The following CPQ variants were observed in gnomAD, a reference collection of about 807,000 sequenced individuals.
CPQ encodes Ser-Met dipeptidase.
A neutral mutation model predicts 45.7 loss-of-function variants in CPQ; 37 were observed. That is an observed-to-expected ratio of 0.81 (90% CI 0.62 to 1.07). CPQ has a LOEUF of 1.07. CPQ is among the 50% of genes least tolerant of loss of function. The pLI is 0.00. For missense variants in CPQ, 537 were observed against 572.9 expected (o/e 0.94, Z 0.64); for synonymous variants, 186 against 205.8 (o/e 0.90, Z 0.82).
chr8:97,080,686 A>AT (rs1405189807), intron 7 of CPQ, among the ~76,000 whole-genome samples: 3 of 152,076 alleles, frequency 2.0e-5, no homozygotes, highest in Admixed American at 1.3e-4. Flanking sequence ...CCTTTATTCC[A>AT]TTTTTTTATA....
chr8:97,127,638 G>A lies in CPQ; in HGVS notation c.1256-15382G>A, dbSNP rs934163669. The stretch of plus-strand genomic sequence containing the variant: ...TGGGAAGTGAAGGCTGCAGTAAGCC[G>A]AGATTTCGCCACTGCACTCCAGCGT... On this transcript the variant is annotated intron_variant, in intron 7 of 7. Transcript: ENST00000220763. Among the ~76,000 whole-genome samples, 8 of 152,112 alleles carry A rather than the reference G, an allele frequency of 5.3e-5. No homozygotes were observed. In the South Asian group the frequency reaches 1.0e-3, roughly 20 times the overall value.
chr8:96,874,664 A>T (rs1406224722), intron 3 of CPQ, among the ~76,000 whole-genome samples: 1 of 151,840 alleles, frequency 6.6e-6, no homozygotes. Context: ...TGTAGCATGT[A>T]CCAAATGTCA....
chr8:97,106,471 A>C (rs1811405323), intron 7 of CPQ, among the ~76,000 whole-genome samples: 1 of 152,254 alleles, frequency 6.6e-6, no homozygotes, highest in East Asian at 1.9e-4. Flanking sequence ...CTCAGTGAGG[A>C]AACAGTGCTC....
Position 96,856,151 on chromosome 8 carries a change from G to A in CPQ, c.641+20971G>A, listed in dbSNP as rs1811846055. On this transcript the variant is annotated intron_variant, in intron 3 of 7. Transcript: ENST00000220763. ...TATCCTGATTGGAAATAAGTTTTAAGCAGAGGAGTGATATGATCTAATCTG... is the reference window on the plus strand; with the variant it reads ...TATCCTGATTGGAAATAAGTTTTAAACAGAGGAGTGATATGATCTAATCTG... 1.3e-5 allele frequency among the ~76,000 whole-genome samples: 2 copies of A among 152,226 alleles called. 1 individual carries two copies. The highest frequency in any genetic ancestry group is 4.1e-4 in the South Asian group (2 of 4,826).
chr8:97,089,622 A>G (rs573168956), intron 7 of CPQ, among the ~76,000 whole-genome samples: 2 of 152,350 alleles, frequency 1.3e-5, no homozygotes, highest in Admixed American at 1.3e-4. Flanking sequence ...TTTGTAGTCA[A>G]TAAAAACTTA....
At position 96,652,343 on chromosome 8, in the gene CPQ, T is replaced by C. The variant is rs1370369400; in HGVS notation, c.-35+6941T>C. Among the ~76,000 whole-genome samples the C allele has an allele frequency of 2.6e-5, 4 of 152,382 alleles. No homozygotes were observed. In the East Asian group the frequency reaches 7.7e-4, roughly 29 times the overall value. On this transcript the variant is annotated intron_variant, in intron 1 of 7. Coordinates refer to ENST00000220763, the MANE Select transcript of CPQ (RefSeq NM_016134.4). Reference sequence around the variant, plus strand: ...AGGCAGAATAGTATTTCATTGTGCATATGTGCCACCTATTCTTTAGCCATT... The same window carrying C: ...AGGCAGAATAGTATTTCATTGTGCACATGTGCCACCTATTCTTTAGCCATT...
intron 1 of CPQ, among the ~76,000 whole-genome samples, chr8:96,712,728 C>T (rs1366791039): frequency 7.2e-5 from 11 of 152,206 alleles, no homozygotes. Context: ...TCATTTTTCC[C>T]TCCTAGGCCT....
At chr8:96,836,808 T>TC (rs1811537062) in intron 3 of CPQ, among the ~76,000 whole-genome samples, 1 of 151,412 alleles carries the variant, frequency 6.6e-6, no homozygotes, top group South Asian at 2.1e-4. Flanking sequence ...TTTTTTTTTT[T>TC]CTGGCATAAT....
intron 6 of CPQ, among the ~76,000 whole-genome samples, chr8:97,060,064 A>AT (rs1380042395): frequency 1.3e-5 from 2 of 152,108 alleles, no homozygotes; most frequent in Non-Finnish European, 2.9e-5. Context: ...CTCATAAGTT[A>AT]TTTTTTCTAG....
chr8:97,122,927 T>TA (rs1336501970), intron 7 of CPQ, among the ~76,000 whole-genome samples: 2,977 of 38,610 alleles, frequency 0.077, 538 homozygotes, highest in East Asian at 0.39. Flanking sequence ...TAAAATAAAA[T>TA]AAATAAAATA....
intron 2 of CPQ, among the ~76,000 whole-genome samples, chr8:96,830,175 G>T (rs1282166187): frequency 1.3e-5 from 2 of 152,104 alleles, no homozygotes; most frequent in Non-Finnish European, 2.9e-5. Flanking sequence ...ACTATTTCCT[G>T]TTCAGAGGTG....
chr8:96,980,013 A>G (rs1813862184), intron 5 of CPQ, among the ~76,000 whole-genome samples: 1 of 152,180 alleles, frequency 6.6e-6, no homozygotes. Flanking sequence ...ATCTCTAGGT[A>G]AGTGAGAGGC....
intron 6 of CPQ, among the ~76,000 whole-genome samples, chr8:97,049,263 C>A (rs771192699): frequency 6.6e-6 from 1 of 152,112 alleles, no homozygotes; most frequent in East Asian, 1.9e-4. Context: ...GTATAATACA[C>A]CTCCTTCCTT....
In CPQ at chr8:96,740,015, T is replaced by C. The variant is rs570054381; in HGVS notation, c.-34-44849T>C. ...TCTGTGAAGAAAGTCATTGGTAGCT[T>C]CATGGGGATGGCATTGAATCTATAA... On this transcript the variant is annotated intron_variant, in intron 1 of 7. Coordinates refer to ENST00000220763, the MANE Select transcript of CPQ (RefSeq NM_016134.4). Among the ~76,000 whole-genome samples, 301 of 152,286 alleles carry C rather than the reference T, an allele frequency of 2.0e-3. 3 individuals carry two copies. The highest frequency in any genetic ancestry group is 3.2e-3 in the Non-Finnish European group (220 of 68,026).
intron 6 of CPQ, among the ~76,000 whole-genome samples, chr8:97,042,630 T>C (rs986863735): frequency 2.0e-5 from 3 of 151,830 alleles, no homozygotes; most frequent in African/African-American, 7.3e-5. Flanking sequence ...TTTAGTGCTA[T>C]AAATTTCCCT....
intron 3 of CPQ, among the ~76,000 whole-genome samples, chr8:96,873,849 A>T (rs1290441679): frequency 6.6e-6 from 1 of 151,792 alleles, no homozygotes; most frequent in African/African-American, 2.4e-5. Context: ...ACTCACTTTC[A>T]AGGATTGATT....
intron 7 of CPQ, among the ~76,000 whole-genome samples, chr8:97,084,593 A>G (rs1811009524): frequency 6.6e-6 from 1 of 152,160 alleles, no homozygotes; most frequent in African/African-American, 2.4e-5. Context: ...GGCATCCCAC[A>G]TCTGTTGACA....
rs148891710 is a variant in CPQ at position 96,795,405 on chromosome 8, A to G, written c.433+10075A>G. 4.3e-3 allele frequency among the ~76,000 whole-genome samples: 660 copies of G among 152,302 alleles called. 5 individuals are homozygous for G. The highest frequency in any genetic ancestry group is 0.021 in the Admixed American group (321 of 15,290). On this transcript the variant is annotated intron_variant, in intron 2 of 7. Coordinates refer to ENST00000220763, the MANE Select transcript of CPQ (RefSeq NM_016134.4). Reference sequence around the variant, plus strand: ...AATTACCTCTCACCAGATCCCTCCCACAACACATGGAAATTCAAGATGAAA... The same window carrying G: ...AATTACCTCTCACCAGATCCCTCCCGCAACACATGGAAATTCAAGATGAAA...
At chr8:96,978,534 C>A (rs1813827877) in intron 5 of CPQ, among the ~76,000 whole-genome samples, 1 of 152,138 alleles carries the variant, frequency 6.6e-6, no homozygotes, top group Non-Finnish European at 1.5e-5. Context: ...GGGTATACAG[C>A]ATAATAATGA....
Sources: gnomAD v4.1 joint callset for allele counts (sites outside exome capture counted in the v4.1 genomes callset) on GRCh38, gnomAD v4.1.1 for gene constraint, MANE v1.5 for transcripts, NCBI Gene and HGNC (gene_info 2026-07-23, HGNC 2026-07-21) for gene names.